Variants in CSRNP3 observed in about 807,000 individuals in gnomAD.
CSRNP3 encodes cysteine/serine-rich nuclear protein 3.
In CSRNP3, 12 loss-of-function variants were observed where a neutral mutation model predicts 48.0. That is an observed-to-expected ratio of 0.25 (90% CI 0.16 to 0.41). CSRNP3 has a LOEUF of 0.41. Among genes scored for constraint, CSRNP3 ranks in the 10% least tolerant of loss-of-function variants. CSRNP3 has a pLI of 1.00. For missense variants in CSRNP3, 580 were observed against 724.4 expected (o/e 0.80, Z 2.29); for synonymous variants, 263 against 269.7 (o/e 0.98, Z 0.24).
intron 4 of CSRNP3, among the ~76,000 whole-genome samples, chr2:165,599,084 G>T (rs1685856496): frequency 1.3e-5 from 2 of 151,528 alleles, no homozygotes; most frequent in South Asian, 2.1e-4. Flanking sequence ...AAATTAAAAA[G>T]AAAAATAGCC....
intron 5 of CSRNP3, among the ~76,000 whole-genome samples, chr2:165,670,245 G>T (rs990033202): frequency 1.8e-4 from 28 of 152,110 alleles, no homozygotes; most frequent in Non-Finnish European, 2.9e-4. Context: ...TCACCCCACT[G>T]CCAGCCCCAC....
chr2:165,519,138 G>A lies in CSRNP3; in HGVS notation c.-24+1177G>A, dbSNP rs1684618030. Among the ~76,000 whole-genome samples, 3 of 151,962 alleles carry A rather than the reference G, an allele frequency of 2.0e-5. No homozygotes were observed. The South Asian group carries it at 6.3e-4, about 32-fold the overall frequency. The stretch of plus-strand genomic sequence containing the variant: ...CCCAAATGATTTTTTTATTAAATTA[G>A]CTCTTGAAGTATAAAACAAGTAAGA... On this transcript the variant is annotated intron_variant, in intron 3 of 6. Transcript: ENST00000651982.
intron 3 of CSRNP3, among the ~76,000 whole-genome samples, chr2:165,547,296 G>A (rs75667885): frequency 0.033 from 4,948 of 152,208 alleles, 242 homozygotes; most frequent in African/African-American, 0.11. Flanking sequence ...TAATTCTGGA[G>A]AATGTGTTTC....
At chr2:165,609,884 A>G (rs1231044174) in intron 4 of CSRNP3, among the ~76,000 whole-genome samples, 1 of 152,172 alleles carries the variant, frequency 6.6e-6, no homozygotes, top group East Asian at 1.9e-4. Flanking sequence ...AGAAGCAGCC[A>G]GGTGTATGAC....
chr2:165,605,008 C>T (rs1685986445), intron 4 of CSRNP3, among the ~76,000 whole-genome samples: 1 of 152,134 alleles, frequency 6.6e-6, no homozygotes, highest in African/African-American at 2.4e-5. Flanking sequence ...GTCTACTTAT[C>T]TCCATTTGTT....
intron 3 of CSRNP3, among the ~76,000 whole-genome samples, chr2:165,539,702 C>T (rs1179616774): frequency 6.6e-6 from 1 of 152,014 alleles, no homozygotes; most frequent in Non-Finnish European, 1.5e-5. Flanking sequence ...TATATTTGCA[C>T]TCCAAGTGGC....
chr2:165,476,421 A>G (rs1415301997), intron 1 of CSRNP3, among the ~76,000 whole-genome samples: 1 of 152,232 alleles, frequency 6.6e-6, no homozygotes, highest in African/African-American at 2.4e-5. Context: ...AAAATAACCA[A>G]AAGAATAACG....
At chr2:165,530,767 T>C (rs1038543252) in intron 3 of CSRNP3, among the ~76,000 whole-genome samples, 5 of 152,064 alleles carry the variant, frequency 3.3e-5, no homozygotes, top group African/African-American at 7.2e-5. Context: ...AAAATAAATA[T>C]CTACAAATTT....
chr2:165,687,530 C>T lies in CSRNP3; in HGVS notation c.*7777C>T, dbSNP rs1687649487. On this transcript the variant is annotated 3_prime_UTR_variant, in exon 7 of 7. Coordinates refer to ENST00000651982, the MANE Select transcript of CSRNP3 (RefSeq NM_001172173.2). ...GACCTTCTCATTAATCTTTCCTTGG[C>T]TTAAAATGACAAATAAGAATCCAAA... is the stretch of plus-strand genomic sequence containing the variant. The T allele has an allele frequency of 6.6e-6, 1 of 152,004 alleles. No individual in the cohort carries two copies. Among genetic ancestry groups the T allele is most frequent in the Non-Finnish European group, 1.5e-5 (1 of 67,992 alleles). 9.4% of individuals were successfully genotyped at this position (152,004 alleles called of 1,614,324 possible). A position where few individuals can be genotyped will look rare whatever the true frequency, so the allele number is the denominator to read the frequency against.
intron 4 of CSRNP3, among the ~76,000 whole-genome samples, chr2:165,638,171 C>A (rs113885804): frequency 0.018 from 2,699 of 152,200 alleles, 74 homozygotes; most frequent in African/African-American, 0.062. Context: ...TGACATAAAT[C>A]ATTTTCTAGG....
chr2:165,500,290 A>T (rs1684338654), intron 2 of CSRNP3, among the ~76,000 whole-genome samples: 1 of 151,136 alleles, frequency 6.6e-6, no homozygotes, highest in South Asian at 2.1e-4. Context: ...GTGAGATGGA[A>T]AATGCACATA....
intron 5 of CSRNP3, among the ~76,000 whole-genome samples, chr2:165,675,586 G>A (rs1198996317): frequency 6.6e-6 from 1 of 152,156 alleles, no homozygotes; most frequent in African/African-American, 2.4e-5. Flanking sequence ...TTCCACATGA[G>A]CTATTATGCA....
At chr2:165,527,703 A>T (rs1036118250) in intron 3 of CSRNP3, among the ~76,000 whole-genome samples, 2 of 152,144 alleles carry the variant, frequency 1.3e-5, no homozygotes, top group Non-Finnish European at 2.9e-5. Flanking sequence ...TATTATTTTT[A>T]AAAGTAGGTA....
rs149146207 is a variant in CSRNP3 at position 165,502,553 on chromosome 2, G to A, written c.-113+7625G>A. On this transcript the variant is annotated intron_variant, in intron 2 of 6. Coordinates refer to ENST00000651982, the MANE Select transcript of CSRNP3 (RefSeq NM_001172173.2). ...CAAATCTCTAAAGGTGGAAATCATAGTTAAAAGGGTATTGTTTTTAATTGC... is the reference window on the plus strand; with the variant it reads ...CAAATCTCTAAAGGTGGAAATCATAATTAAAAGGGTATTGTTTTTAATTGC... Among the ~76,000 whole-genome samples, 115 of 152,120 alleles carry A rather than the reference G, an allele frequency of 7.6e-4. 1 individual carries two copies. The Middle Eastern group carries it at 0.01, about 14-fold the overall frequency.
At chr2:165,491,961 A>C (rs894494000) in intron 1 of CSRNP3, among the ~76,000 whole-genome samples, 16 of 150,502 alleles carry the variant, frequency 1.1e-4, no homozygotes, top group African/African-American at 1.9e-4. Flanking sequence ...AAAAAAAAAA[A>C]AAAAAACAAA....
intron 4 of CSRNP3, among the ~76,000 whole-genome samples, chr2:165,631,180 T>C (rs1487470852): frequency 6.6e-6 from 1 of 152,220 alleles, no homozygotes; most frequent in African/African-American, 2.4e-5. Context: ...AGTTATGCCA[T>C]GCATTATACA....
chr2:165,665,795 G>GAGAGAGAA (rs1233879099), intron 5 of CSRNP3, among the ~76,000 whole-genome samples: 3 of 149,422 alleles, frequency 2.0e-5, no homozygotes, highest in East Asian at 2.0e-4. Context: ...GAGAGAGAGA[G>GAGAGAGAA]AGAGAGAAAG....
intron 3 of CSRNP3, among the ~76,000 whole-genome samples, chr2:165,526,075 A>G (rs1684729110): frequency 1.3e-5 from 2 of 152,264 alleles, no homozygotes; most frequent in African/African-American, 2.4e-5. Context: ...TCTAGTCTCT[A>G]TTGTGTCCGA....
At chr2:165,661,023 T>C (rs1687088851) in intron 5 of CSRNP3, among the ~76,000 whole-genome samples, 2 of 152,316 alleles carry the variant, frequency 1.3e-5, no homozygotes, top group Admixed American at 6.5e-5. Context: ...GGAGAATTAA[T>C]GGAGAAAAAC....
Sources: gnomAD v4.1 joint callset for allele counts (sites outside exome capture counted in the v4.1 genomes callset) on GRCh38, gnomAD v4.1.1 for gene constraint, MANE v1.5 for transcripts, NCBI Gene and HGNC (gene_info 2026-07-23, HGNC 2026-07-21) for gene names.